The following EDARADD variants were observed in gnomAD, a reference collection of about 807,000 sequenced individuals.
The protein encoded by EDARADD is EDAR associated via death domain.
In EDARADD, 20 loss-of-function variants were observed where a neutral mutation model predicts 25.6. That is an observed-to-expected ratio of 0.78 (90% confidence interval 0.55 to 1.14). EDARADD has a LOEUF of 1.14. EDARADD is among the 50% of genes most tolerant of loss of function. The pLI, the probability that EDARADD is intolerant of heterozygous loss-of-function variation, is 0.00. For synonymous variants in EDARADD, 86 were observed against 94.4 expected (o/e 0.91, Z 0.52); for missense variants, 225 against 270.1 (o/e 0.83, Z 1.17).
chr1:236,464,968 C>T (rs929841554), intron 4 of EDARADD, among the ~76,000 whole-genome samples: 3 of 152,160 alleles, frequency 2.0e-5, no homozygotes, highest in Admixed American at 2.0e-4. Flanking sequence ...ATGCATTCAG[C>T]TCCTGGGGGC....
chr1:236,381,713 G>A (rs912998060), intron 3 of EDARADD, among the ~76,000 whole-genome samples: 7 of 147,690 alleles, frequency 4.7e-5, no homozygotes, highest in Non-Finnish European at 8.9e-5. Flanking sequence ...ACTGCCTCCT[G>A]CCTTACATGG....
intron 4 of EDARADD, among the ~76,000 whole-genome samples, chr1:236,429,412 C>T (rs1417514845): frequency 1.3e-5 from 2 of 150,938 alleles, no homozygotes; most frequent in Non-Finnish European, 3.0e-5. Context: ...GAGTCTCGCT[C>T]TGTCACCCAG....
intron 4 of EDARADD, among the ~76,000 whole-genome samples, chr1:236,462,287 G>A (rs1290117679): frequency 6.6e-6 from 1 of 152,034 alleles, no homozygotes; most frequent in East Asian, 1.9e-4. Flanking sequence ...GGGCCAGTTT[G>A]GAGATTCAGC....
chr1:236,442,164 C>T (rs554503941), intron 4 of EDARADD, among the ~76,000 whole-genome samples: 17 of 150,436 alleles, frequency 1.1e-4, no homozygotes, highest in African/African-American at 4.2e-4. Context: ...CTCATTCTGT[C>T]ACCCAGACTG....
At chr1:236,376,557 TA>T (rs1418603084) in intron 3 of EDARADD, among the ~76,000 whole-genome samples, 1 of 152,140 alleles carries the variant, frequency 6.6e-6, no homozygotes, top group Non-Finnish European at 1.5e-5. Flanking sequence ...TGGTCCTCTG[TA>T]AATAAGGTGT....
chr1:236,445,645 GGAA>G (rs893730072), intron 4 of EDARADD, among the ~76,000 whole-genome samples: 3 of 152,246 alleles, frequency 2.0e-5, no homozygotes, highest in Non-Finnish European at 2.9e-5. Context: ...TAGAAATGGA[GGAA>G]GAAGAAGATT....
At chr1:236,442,793 G>A (rs1014699680) in intron 4 of EDARADD, among the ~76,000 whole-genome samples, 1 of 152,216 alleles carries the variant, frequency 6.6e-6, no homozygotes, top group Non-Finnish European at 1.5e-5. Context: ...GAGCTTTGAT[G>A]GAGATGTACA....
At chr1:236,444,721 A>C (rs1026039321) in intron 4 of EDARADD, among the ~76,000 whole-genome samples, 1 of 152,054 alleles carries the variant, frequency 6.6e-6, no homozygotes, top group Non-Finnish European at 1.5e-5. Context: ...ACCGCGCCTG[A>C]CCAACTCTAC....
intron 5 of EDARADD, among the ~76,000 whole-genome samples, chr1:236,479,646 C>G (rs1659611052): frequency 6.6e-6 from 1 of 152,014 alleles, no homozygotes; most frequent in African/African-American, 2.4e-5. Flanking sequence ...GCTCCCCATG[C>G]TCTCTTCCTA....
intron 4 of EDARADD, among the ~76,000 whole-genome samples, chr1:236,452,918 T>C (rs1421265254): frequency 6.6e-6 from 1 of 152,208 alleles, no homozygotes; most frequent in Non-Finnish European, 1.5e-5. Flanking sequence ...GGTTTCTTTA[T>C]GTTTATTACG....
At chr1:236,378,561 G>A (rs1453921396) in intron 3 of EDARADD, among the ~76,000 whole-genome samples, 3 of 152,204 alleles carry the variant, frequency 2.0e-5, no homozygotes, top group South Asian at 2.1e-4. Flanking sequence ...TGTAAGAAGA[G>A]TGTTAGATTT....
chr1:236,405,370 A>C (rs1446644125), intron 1 of EDARADD, among the ~76,000 whole-genome samples: 4 of 152,194 alleles, frequency 2.6e-5, no homozygotes, highest in Admixed American at 6.5e-5. Context: ...GATCTCACAG[A>C]ACTCGGTCAG....
intron 1 of EDARADD, among the ~76,000 whole-genome samples, chr1:236,405,761 CTT>C (rs879512466): frequency 0.01 from 623 of 59,796 alleles, 7 homozygotes; most frequent in African/African-American, 0.033. Context: ...TTCTTTCTTT[CTT>C]TCTTTCTTTC....
upstream of EDARADD, among the ~76,000 whole-genome samples, chr1:236,390,127 CATAAGA>C (rs2102998343): frequency 6.6e-6 from 1 of 152,286 alleles, no homozygotes; most frequent in Admixed American, 6.5e-5. Flanking sequence ...GATGCAAAGG[CATAAGA>C]ATGATACAGT....
chr1:236,456,085 A>G (rs552696194), intron 4 of EDARADD, among the ~76,000 whole-genome samples: 12 of 151,810 alleles, frequency 7.9e-5, no homozygotes, highest in South Asian at 2.1e-4. Flanking sequence ...CACCGCGCCC[A>G]GGTGCCTGTT....
chr1:236,418,584 G>A lies in EDARADD; in HGVS notation c.160+4285G>A, dbSNP rs549182123. ...TAATGCTACCCTTAAGAAGTCTGAG[G>A]AACTTGAACTTAAATATAGATGCTG... On this transcript the variant is annotated intron_variant, in intron 3 of 5. Transcript: ENST00000334232. Among the ~76,000 whole-genome samples the A allele has an allele frequency of 2.0e-5, 3 of 152,314 alleles. No homozygotes were observed. The South Asian group carries it at 6.2e-4, about 32-fold the overall frequency.
chr1:236,419,048 G>C (rs113149696), intron 3 of EDARADD, among the ~76,000 whole-genome samples: 4 of 152,270 alleles, frequency 2.6e-5, no homozygotes, highest in African/African-American at 9.6e-5. Flanking sequence ...TTGTGCATAA[G>C]AGGATAGAGG....
chr1:236,449,638 T>C (rs555905588), intron 4 of EDARADD, among the ~76,000 whole-genome samples: 2 of 152,342 alleles, frequency 1.3e-5, no homozygotes, highest in East Asian at 3.9e-4. Context: ...ATGCATTCTC[T>C]TTTGTTCTAC....
intron 4 of EDARADD, among the ~76,000 whole-genome samples, chr1:236,442,042 A>T (rs879832983): frequency 3.3e-5 from 5 of 152,202 alleles, no homozygotes; most frequent in African/African-American, 1.2e-4. Flanking sequence ...GAAACTGATG[A>T]AGGTAGCTAT....
Sources: gnomAD v4.1 joint callset for allele counts (sites outside exome capture counted in the v4.1 genomes callset) on GRCh38, gnomAD v4.1.1 for gene constraint, MANE v1.5 for transcripts, NCBI Gene and HGNC (gene_info 2026-07-23, HGNC 2026-07-21) for gene names.